The following TM9SF3 variants were observed in gnomAD, a reference collection of about 807,000 sequenced individuals.
TM9SF3 encodes transmembrane 9 superfamily member 3, also known as SM-11044-binding protein.
Under a neutral mutation model 78.6 loss-of-function variants are expected in TM9SF3, and 14 were observed. The observed-to-expected ratio is 0.18, with a 90% confidence interval of 0.12 to 0.28. TM9SF3 has a LOEUF of 0.28. Among genes scored for constraint, TM9SF3 ranks in the 10% least tolerant of loss-of-function variants. The pLI, the probability that TM9SF3 is intolerant of heterozygous loss-of-function variation, is 1.00. For synonymous variants in TM9SF3, 231 were observed against 241.7 expected (o/e 0.96, Z 0.41); for missense variants, 496 against 721.9 (o/e 0.69, Z 3.59).
intron 1 of TM9SF3, 72 bp from the exon 2 acceptor site, chr10:96,576,901 T>C (rs889687981): frequency 1.3e-5 from 17 of 1,308,996 alleles, no homozygotes; most frequent in Non-Finnish European, 1.6e-5. Flanking sequence ...ATATTTGTTG[T>C]GTGTTCTAAA....
At chr10:96,523,659 T>G (rs1406413346) in intron 14 of TM9SF3, among the ~76,000 whole-genome samples, 2 of 151,864 alleles carry the variant, frequency 1.3e-5, no homozygotes, top group Non-Finnish European at 2.9e-5. Context: ...TATTCTTGAG[T>G]ATGATCAAGC....
intron 1 of TM9SF3, among the ~76,000 whole-genome samples, chr10:96,580,301 T>C (rs1848549062): frequency 6.6e-6 from 1 of 152,216 alleles, no homozygotes; most frequent in Non-Finnish European, 1.5e-5. Flanking sequence ...AGTCTTGCTC[T>C]GTCGCCCAGG....
At chr10:96,584,138 C>G (rs987144216) in intron 1 of TM9SF3, among the ~76,000 whole-genome samples, 1 of 152,128 alleles carries the variant, frequency 6.6e-6, no homozygotes, top group African/African-American at 2.4e-5. Flanking sequence ...GGCAATTAAC[C>G]TAAAAGGCCA....
chr10:96,528,057 A>G lies in TM9SF3; in HGVS notation c.1515T>C (p.Phe505=). The part of the protein sequence containing the change: ...TVCVTIVCTY[F]LLNAEDYRWQ... ...ACCGGTAATCTTCTGCATTTAGTAGAAAATATGTGCACACAATAGTCACAC... is the reference window on the plus strand; with the variant it reads ...ACCGGTAATCTTCTGCATTTAGTAGGAAATATGTGCACACAATAGTCACAC... Residue 505 remains phenylalanine, a synonymous_variant, in exon 12 of 15, where the codon TTT becomes TTC. Coordinates refer to ENST00000371142, the MANE Select transcript of TM9SF3 (RefSeq NM_020123.4). 1 of 1,612,044 alleles carries G rather than the reference A, an allele frequency of 6.2e-7. No individual in the cohort carries two copies. Among genetic ancestry groups the G allele is most frequent in the South Asian group, 1.1e-5 (1 of 90,836 alleles).
chr10:96,545,904 A>C (rs964025726), intron 8 of TM9SF3, among the ~76,000 whole-genome samples: 2 of 152,048 alleles, frequency 1.3e-5, no homozygotes, highest in African/African-American at 4.8e-5. Context: ...TCAATCAATC[A>C]ATCAATCAAT....
In TM9SF3 at chr10:96,518,760, C is replaced by T. The variant is rs1177509984; in HGVS notation, c.*3503G>A. 6.6e-6 allele frequency: 1 copy of T among 152,082 alleles called. No individual in the cohort carries two copies. The highest frequency in any genetic ancestry group is 2.4e-5 in the African/African-American group (1 of 41,440). The allele number at this position is 152,082 out of a possible 1,614,324, so 9.4% of individuals were successfully genotyped here. ...TCATATGTTAACGTTCTGATCTAGC[C>T]TACCTGTAAGTCTAGTTTATTTCTG... On this transcript the variant is annotated 3_prime_UTR_variant, in exon 15 of 15. Coordinates refer to ENST00000371142, the MANE Select transcript of TM9SF3 (RefSeq NM_020123.4).
chr10:96,537,789 C>A (rs891829250), intron 9 of TM9SF3, among the ~76,000 whole-genome samples: 3 of 152,102 alleles, frequency 2.0e-5, no homozygotes, highest in African/African-American at 7.2e-5. Flanking sequence ...TAAAAAATAT[C>A]ATTCACCAAC....
chr10:96,538,855 A>T (rs1815458200), intron 9 of TM9SF3, among the ~76,000 whole-genome samples: 1 of 152,256 alleles, frequency 6.6e-6, no homozygotes, highest in South Asian at 2.1e-4. Context: ...AATTAAAAAG[A>T]CTTACTATAT....
Position 96,584,957 on chromosome 10 carries a change from A to C in TM9SF3, c.102+1777T>G, listed in dbSNP as rs76938996. On this transcript the variant is annotated intron_variant, in intron 1 of 14. Transcript: ENST00000371142. ...TATTATCTTTCGTGGCAGTCAACAA[A>C]AACCTTTTATCAAATATCTTATATG... 8.2e-3 allele frequency among the ~76,000 whole-genome samples: 1,246 copies of C among 152,322 alleles called. 67 individuals are homozygous for C. In the East Asian group the frequency reaches 0.14, roughly 17 times the overall value.
At chr10:96,571,075 GA>G (rs1298578400) in intron 2 of TM9SF3, among the ~76,000 whole-genome samples, 1 of 152,122 alleles carries the variant, frequency 6.6e-6, no homozygotes, top group Non-Finnish European at 1.5e-5. Flanking sequence ...TTAGGAAATG[GA>G]AAACGGTTGT....
intron 8 of TM9SF3, among the ~76,000 whole-genome samples, chr10:96,545,730 A>G (rs1848089420): frequency 6.6e-6 from 1 of 152,054 alleles, no homozygotes; most frequent in Non-Finnish European, 1.5e-5. Flanking sequence ...TCTCTACTAA[A>G]AATAAAAAAT....
At chr10:96,554,189 C>T (rs1256291837) in intron 5 of TM9SF3, among the ~76,000 whole-genome samples, 1 of 152,180 alleles carries the variant, frequency 6.6e-6, no homozygotes, top group African/African-American at 2.4e-5. Context: ...GTGCCTGGCA[C>T]ATCATAAACA....
At chr10:96,543,341 A>ATTTTTTTT (rs747592959) in intron 9 of TM9SF3, among the ~76,000 whole-genome samples, 3 of 8,498 alleles carry the variant, frequency 3.5e-4, no homozygotes, top group East Asian at 3.8e-3. Context: ...GCTTAGTGAG[A>ATTTTTTTT]TTCTTTTTTT....
At chr10:96,586,310 T>C (rs1165893063) in intron 1 of TM9SF3, among the ~76,000 whole-genome samples, 1 of 152,080 alleles carries the variant, frequency 6.6e-6, no homozygotes, top group Non-Finnish European at 1.5e-5. Context: ...TCACGATGCA[T>C]CCATCTTCCT....
At chr10:96,542,239 T>C (rs561920716) in intron 9 of TM9SF3, among the ~76,000 whole-genome samples, 35 of 152,304 alleles carry the variant, frequency 2.3e-4, no homozygotes, top group Middle Eastern at 3.4e-3. Context: ...AAGGAGACGG[T>C]AAAGTACACA....
At chr10:96,578,255 T>A (rs568631553) in intron 1 of TM9SF3, among the ~76,000 whole-genome samples, 148 of 152,240 alleles carry the variant, frequency 9.7e-4, no homozygotes, top group African/African-American at 3.3e-3. Flanking sequence ...TTTGAACACA[T>A]GTGACAGGTA....
rs557567869 is a variant in TM9SF3 at position 96,559,413 on chromosome 10, C to T, written c.660+246G>A. On this transcript the variant is annotated intron_variant, in intron 5 of 14. Transcript: ENST00000371142. ...CCTTATTAGTGATATTTTGGCTTCC[C>T]GTATGTTATATTCTTCGTTTATCTC... Among the ~76,000 whole-genome samples, 10 of 34,732 alleles carry T rather than the reference C, an allele frequency of 2.9e-4. 1 individual carries two copies. In the South Asian group the frequency reaches 5.7e-3, roughly 20 times the overall value. The allele number at this position is 34,732 out of a possible 152,430, so 22.8% of individuals were successfully genotyped here.
intron 9 of TM9SF3, among the ~76,000 whole-genome samples, chr10:96,536,398 TA>T (rs1413396144): frequency 1.3e-5 from 2 of 152,144 alleles, no homozygotes; most frequent in African/African-American, 4.8e-5. Flanking sequence ...TCTATTTTTT[TA>T]AATAACACTA....
intron 8 of TM9SF3, among the ~76,000 whole-genome samples, chr10:96,547,209 C>T (rs1326779209): frequency 6.6e-6 from 1 of 152,208 alleles, no homozygotes; most frequent in Non-Finnish European, 1.5e-5. Context: ...CATAACTTTC[C>T]TTCCTATTCT....
Sources: allele counts gnomAD v4.1 joint callset (sites outside exome capture counted in the v4.1 genomes callset), GRCh38; gene constraint gnomAD v4.1.1; transcripts MANE v1.5; gene names NCBI Gene and HGNC (gene_info 2026-07-23, HGNC 2026-07-21).